RYR3: variants seen among roughly 807,000 people sequenced by gnomAD.
The protein encoded by RYR3 is brain ryanodine receptor-calcium release channel.
A neutral mutation model predicts 584.3 loss-of-function variants in RYR3; 207 were observed. That is an observed-to-expected ratio of 0.35 (90% confidence interval 0.32 to 0.40). The LOEUF is 0.40. Ranked by LOEUF, RYR3 falls within the 10% of genes least tolerant of loss-of-function variation. The pLI, the probability that RYR3 is intolerant of heterozygous loss-of-function variation, is 1.00. For missense variants in RYR3, 5,616 were observed against 6,089.2 expected (o/e 0.92, Z 2.59); for synonymous variants, 2,416 against 2,248.5 (o/e 1.07, Z -2.11).
chr15:33,542,271 C>G (rs563869443), intron 7 of RYR3, among the ~76,000 whole-genome samples: 1 of 152,196 alleles, frequency 6.6e-6, no homozygotes, highest in African/African-American at 2.4e-5. Context: ...TGCACCAGCA[C>G]TTGGCAGTGT....
Position 33,818,572 on chromosome 15 carries a change from G to T in RYR3, c.10600-6G>T. Reference sequence around the variant, plus strand: ...GCCTAAAACCTATCTGTGTTGGTTTGTGTAGAAATCTCCAAAGGTGGAAGA... The same window carrying T: ...GCCTAAAACCTATCTGTGTTGGTTTTTGTAGAAATCTCCAAAGGTGGAAGA... On this transcript the variant is annotated splice_polypyrimidine_tract_variant and splice_region_variant and intron_variant, in intron 75 of 103. Transcript: ENST00000634891. 1 of 1,606,602 alleles carries T rather than the reference G, an allele frequency of 6.2e-7. No homozygotes were observed. Among genetic ancestry groups the T allele is most frequent in the Non-Finnish European group, 8.5e-7 (1 of 1,173,248 alleles).
At chr15:33,472,449 G>A (rs868104576) in intron 1 of RYR3, among the ~76,000 whole-genome samples, 2 of 152,186 alleles carry the variant, frequency 1.3e-5, no homozygotes, top group African/African-American at 4.8e-5. Context: ...AGGTGAGATG[G>A]GGCAATGGAT....
At chr15:33,622,023 C>T (rs2060751047) in intron 19 of RYR3, among the ~76,000 whole-genome samples, 1 of 152,164 alleles carries the variant, frequency 6.6e-6, no homozygotes, top group African/African-American at 2.4e-5. Flanking sequence ...AAGCCTAATT[C>T]CACAACAAAA....
intron 70 of RYR3, among the ~76,000 whole-genome samples, chr15:33,808,182 C>T (rs975388959): frequency 1.3e-5 from 2 of 152,186 alleles, no homozygotes; most frequent in African/African-American, 4.8e-5. Context: ...ACACGCAGCT[C>T]TTAGTTAGGA....
Position 33,544,849 on chromosome 15 carries a change from G to C in RYR3, c.740+1134G>C, listed in dbSNP as rs201727325. Among the ~76,000 whole-genome samples, 34 of 145,326 alleles carry C rather than the reference G, an allele frequency of 2.3e-4. No individual in the cohort carries two copies. The East Asian group carries it at 5.7e-3, about 24-fold the overall frequency. On this transcript the variant is annotated intron_variant, in intron 8 of 103. Transcript: ENST00000634891. ...GCTTAATTCACTTGTTGCCTCCCTGGCACTGGTCCGGCGGTTGATAGTTAT... is the reference window on the plus strand; with the variant it reads ...GCTTAATTCACTTGTTGCCTCCCTGCCACTGGTCCGGCGGTTGATAGTTAT...
intron 43 of RYR3, among the ~76,000 whole-genome samples, chr15:33,713,681 G>T (rs778250419): frequency 6.6e-6 from 1 of 152,150 alleles, no homozygotes; most frequent in Non-Finnish European, 1.5e-5. Flanking sequence ...CCATAGACAA[G>T]GTAGCTTATA....
chr15:33,741,147 G>A (rs1486901660), intron 51 of RYR3, among the ~76,000 whole-genome samples: 1 of 152,250 alleles, frequency 6.6e-6, no homozygotes, highest in Non-Finnish European at 1.5e-5. Context: ...ATTTATTCCA[G>A]TGTACCTGTG....
rs2079338485 is a variant in RYR3, at chr15:33,853,663, G to A, written c.13780G>A (p.Ala4594Thr). 1 of 1,613,840 alleles carries A rather than the reference G, an allele frequency of 6.2e-7. No individual in the cohort carries two copies. Among genetic ancestry groups the A allele is most frequent in the Non-Finnish European group, 8.5e-7 (1 of 1,179,814 alleles). The change falls in exon 96 of 104, where the codon GCG becomes ACG. Residue 4594 changes from alanine (A) to threonine (T), a missense_variant. By Grantham distance (58) the Ala-to-Thr change is moderately conservative. Coordinates refer to ENST00000634891, the MANE Select transcript of RYR3 (RefSeq NM_001036.6). ...CCCAGTAGAAGAGACCAAAGCAGAA[G>A]CGGCTTCTCTGGTGTCATGGTACAA... ...FSPVEETKAE[A>T]ASLVSWLSSI...
intron 65 of RYR3, among the ~76,000 whole-genome samples, chr15:33,781,862 G>C (rs921302425): frequency 5.9e-5 from 9 of 151,758 alleles, no homozygotes; most frequent in South Asian, 4.2e-4. Context: ...AAAAAAAAGG[G>C]GGGGGGGATT....
In RYR3 at chr15:33,638,736, C is replaced by T. The variant is rs570703035; in HGVS notation, c.3556+2186C>T. On this transcript the variant is annotated intron_variant, in intron 27 of 103. Transcript: ENST00000634891. ...CTCATTTTTTAGTTGTAAAAAAAGA[C>T]GATAATAATGCAGAGCAGTAAGTTA... Among the ~76,000 whole-genome samples, 43 of 152,082 alleles carry T rather than the reference C, an allele frequency of 2.8e-4. No homozygotes were observed. The South Asian group carries it at 7.1e-3, about 25-fold the overall frequency.
At chr15:33,670,849 A>C (rs181810285) in intron 38 of RYR3, among the ~76,000 whole-genome samples, 42 of 152,232 alleles carry the variant, frequency 2.8e-4, no homozygotes, top group African/African-American at 9.1e-4. Flanking sequence ...TTCTTCTTTT[A>C]GGTTTCCATA....
chr15:33,769,681 C>T (rs878946587), intron 62 of RYR3, among the ~76,000 whole-genome samples: 7 of 152,198 alleles, frequency 4.6e-5, no homozygotes, highest in Admixed American at 2.0e-4. Context: ...AGGCCAGGCG[C>T]GGTGGCTCAT....
At chr15:33,497,562 C>T (rs2051550065) in intron 2 of RYR3, among the ~76,000 whole-genome samples, 1 of 152,158 alleles carries the variant, frequency 6.6e-6, no homozygotes, top group South Asian at 2.1e-4. Context: ...CTGCTTCAGC[C>T]TAGCCCTCTT....
At position 33,580,028 on chromosome 15, in the gene RYR3, C is replaced by A. The variant is rs1353196691; in HGVS notation, c.1321C>A (p.Gln441Lys). ...CACCCTGCCTATAGAAGAAGTCCTG[C>A]AGACCCTACAGGACTTGATCGCCTA... ...PITLPIEEVL[Q>K]TLQDLIAYFQ... is the part of the protein sequence containing the mutation. Residue 441 changes from glutamine (Q) to lysine (K), a missense_variant, in exon 13 of 104, where the codon CAG becomes AAG. Physicochemically the swap from Gln to Lys is moderately conservative, Grantham distance 53 (BLOSUM62 1). Transcript: ENST00000634891. 3 of 1,612,820 alleles carry A rather than the reference C, an allele frequency of 1.9e-6. No individual in the cohort carries two copies. Among genetic ancestry groups the A allele is most frequent in the Non-Finnish European group, 2.5e-6 (3 of 1,178,996 alleles).
intron 1 of RYR3, among the ~76,000 whole-genome samples, chr15:33,327,468 G>C (rs1472350485): frequency 1.3e-5 from 2 of 152,136 alleles, no homozygotes; most frequent in Non-Finnish European, 2.9e-5. Flanking sequence ...CTACCATTTG[G>C]TTATATCTAA....
At chr15:33,755,645 C>G (rs1251332087) in intron 58 of RYR3, among the ~76,000 whole-genome samples, 1 of 152,142 alleles carries the variant, frequency 6.6e-6, no homozygotes, top group Non-Finnish European at 1.5e-5. Flanking sequence ...ACAAAAACTC[C>G]TTAGTTTTTA....
intron 2 of RYR3, among the ~76,000 whole-genome samples, chr15:33,480,789 T>C (rs2049894421): frequency 6.6e-6 from 1 of 152,212 alleles, no homozygotes; most frequent in African/African-American, 2.4e-5. Flanking sequence ...TTGGTGAATG[T>C]TTCAGGTGTC....
chr15:33,851,890 T>G (rs2079141808), intron 94 of RYR3: 1 of 152,182 alleles, frequency 6.6e-6, no homozygotes, highest in East Asian at 1.9e-4. Flanking sequence ...GTCAAAATAA[T>G]TGTTATTTTC....
intron 1 of RYR3, among the ~76,000 whole-genome samples, chr15:33,385,659 A>T (rs551123014): frequency 6.6e-6 from 1 of 151,142 alleles, no homozygotes; most frequent in African/African-American, 2.4e-5. Context: ...TTCAAGAAAT[A>T]TGCTGACACT....
Sources: allele counts gnomAD v4.1 joint callset (sites outside exome capture counted in the v4.1 genomes callset), GRCh38; gene constraint gnomAD v4.1.1; transcripts MANE v1.5; gene names NCBI Gene and HGNC (gene_info 2026-07-23, HGNC 2026-07-21).